Variants in ADAMTSL1 observed in about 807,000 individuals in gnomAD.
The protein encoded by ADAMTSL1 is ADAMTS-like protein 1.
A neutral mutation model predicts 201.8 loss-of-function variants in ADAMTSL1; 126 were observed. The observed-to-expected ratio is 0.62, with a 90% confidence interval of 0.54 to 0.72. ADAMTSL1 has a LOEUF of 0.72. Ranked by LOEUF, ADAMTSL1 falls within the 30% of genes least tolerant of loss-of-function variation. ADAMTSL1 has a pLI of 0.00. For missense variants in ADAMTSL1, 2,679 were observed against 2,277.8 expected (o/e 1.18, Z -3.59); for synonymous variants, 1,121 against 903.4 (o/e 1.24, Z -4.32).
At chr9:18,587,806 G>C (rs1578428) in intron 4 of ADAMTSL1, among the ~76,000 whole-genome samples, 45,051 of 152,026 alleles carry the variant, frequency 0.3, 7,433 homozygotes, top group East Asian at 0.53. Context: ...CAAATGACAG[G>C]ATTTCATTTT....
intron 2 of ADAMTSL1, among the ~76,000 whole-genome samples, chr9:18,417,922 A>G (rs182901453): frequency 1.3e-5 from 2 of 152,220 alleles, no homozygotes; most frequent in Non-Finnish European, 2.9e-5. Flanking sequence ...ATAATAAAAA[A>G]TAACACTATA....
At chr9:18,764,580 C>G (rs939502712) in intron 16 of ADAMTSL1, among the ~76,000 whole-genome samples, 4 of 152,170 alleles carry the variant, frequency 2.6e-5, no homozygotes, top group South Asian at 2.1e-4. Context: ...GAACAAAGAG[C>G]TGGCAGGCAT....
rs148321159 is a variant in ADAMTSL1 at position 18,188,687 on chromosome 9, T to C, written c.207+24706T>C. Reference sequence around the variant, plus strand: ...GGCAGCAGCAAACTGCCGGGGATATTAGAAAGGGAAGATTCATGGGTCAAC... The same window carrying C: ...GGCAGCAGCAAACTGCCGGGGATATCAGAAAGGGAAGATTCATGGGTCAAC... On this transcript the variant is annotated intron_variant, in intron 2 of 29. Coordinates refer to the ADAMTSL1 transcript ENST00000680146. Among the ~76,000 whole-genome samples, 825 of 152,300 alleles carry C rather than the reference T, an allele frequency of 5.4e-3. 13 individuals are homozygous for C. Among genetic ancestry groups the C allele is most frequent in the African/African-American group, 0.018 (769 of 41,574 alleles).
intron 2 of ADAMTSL1, among the ~76,000 whole-genome samples, chr9:18,272,248 C>G (rs1406777963): frequency 6.6e-6 from 1 of 152,010 alleles, no homozygotes; most frequent in Non-Finnish European, 1.5e-5. Context: ...GGTACTGGTA[C>G]CAAAACAGAG....
chr9:17,926,839 A>G (rs2131307277), intron 1 of ADAMTSL1, among the ~76,000 whole-genome samples: 1 of 152,340 alleles, frequency 6.6e-6, no homozygotes, highest in Admixed American at 6.5e-5. Context: ...CCGACATTAC[A>G]GTGAAACCAC....
intron 23 of ADAMTSL1, among the ~76,000 whole-genome samples, chr9:18,875,115 C>T (rs565713414): frequency 6.6e-6 from 1 of 152,194 alleles, no homozygotes; most frequent in East Asian, 1.9e-4. Context: ...TGAAACATCT[C>T]CCATTTTGTT....
intron 2 of ADAMTSL1, among the ~76,000 whole-genome samples, chr9:18,290,781 G>GTTT (rs71492936): frequency 7.4e-6 from 1 of 135,068 alleles, no homozygotes; most frequent in African/African-American, 3.1e-5. Context: ...TTTTTTGTGT[G>GTTT]TTTTTTTTTT....
chr9:18,695,104 G>A (rs548315), intron 13 of ADAMTSL1, among the ~76,000 whole-genome samples: 66,971 of 152,108 alleles, frequency 0.44, 15,003 homozygotes, highest in Admixed American at 0.55. Flanking sequence ...ATTGTCCCAA[G>A]GTTGTGCAGG....
intron 3 of ADAMTSL1, among the ~76,000 whole-genome samples, chr9:18,570,726 G>C (rs1430656995): frequency 2.0e-5 from 3 of 152,172 alleles, no homozygotes; most frequent in African/African-American, 4.8e-5. Flanking sequence ...TTCAAGTTCA[G>C]TTTCCAACTC....
At chr9:18,257,097 G>T (rs1339872866) in intron 2 of ADAMTSL1, among the ~76,000 whole-genome samples, 1 of 152,140 alleles carries the variant, frequency 6.6e-6, no homozygotes, top group Non-Finnish European at 1.5e-5. Flanking sequence ...ATGTTGGATA[G>T]ATGATAGGTA....
chr9:18,435,633 A>G, intron 2 of ADAMTSL1, among the ~76,000 whole-genome samples: 1 of 152,206 alleles, frequency 6.6e-6, no homozygotes, highest in East Asian at 1.9e-4. Context: ...GAGATCTGTG[A>G]GGCCAGGACA....
At chr9:18,556,502 T>G (rs1250496093) in intron 3 of ADAMTSL1, among the ~76,000 whole-genome samples, 1 of 151,980 alleles carries the variant, frequency 6.6e-6, no homozygotes, top group Non-Finnish European at 1.5e-5. Context: ...GTAATTTTCA[T>G]AGGAAGAAGA....
At chr9:18,258,015 T>C (rs758794050) in intron 2 of ADAMTSL1, among the ~76,000 whole-genome samples, 2 of 152,166 alleles carry the variant, frequency 1.3e-5, no homozygotes, top group Non-Finnish European at 2.9e-5. Flanking sequence ...TTTGGGATGA[T>C]GAAAAAGTTT....
intron 17 of ADAMTSL1, among the ~76,000 whole-genome samples, chr9:18,774,122 C>T (rs1186296785): frequency 6.6e-6 from 1 of 152,146 alleles, no homozygotes; most frequent in East Asian, 1.9e-4. Flanking sequence ...TCCCACAGCC[C>T]TCATTCAGGC....
chr9:18,025,557 G>T (rs1795391924), intron 1 of ADAMTSL1, among the ~76,000 whole-genome samples: 1 of 151,994 alleles, frequency 6.6e-6, no homozygotes, highest in South Asian at 2.1e-4. Context: ...AGATCAGATG[G>T]TTGCAGGTGT....
chr9:18,352,854 A>C (rs897974595), intron 2 of ADAMTSL1, among the ~76,000 whole-genome samples: 2 of 152,200 alleles, frequency 1.3e-5, no homozygotes, highest in African/African-American at 2.4e-5. Flanking sequence ...AGTCTGTTAG[A>C]TATCTTGTTT....
intron 23 of ADAMTSL1, among the ~76,000 whole-genome samples, chr9:18,838,119 A>T (rs1340367064): frequency 2.0e-5 from 3 of 152,054 alleles, no homozygotes; most frequent in Admixed American, 6.6e-5. Flanking sequence ...GGCAGAAGGC[A>T]AGGAGAAGCA....
intron 14 of ADAMTSL1, among the ~76,000 whole-genome samples, chr9:18,719,613 C>G (rs1396031535): frequency 6.6e-6 from 1 of 152,198 alleles, no homozygotes; most frequent in Admixed American, 6.5e-5. Context: ...ATCCGTCCAC[C>G]CTGGCCTCCC....
At chr9:18,014,835 A>G (rs1476827279) in intron 1 of ADAMTSL1, among the ~76,000 whole-genome samples, 4 of 151,974 alleles carry the variant, frequency 2.6e-5, no homozygotes, top group Non-Finnish European at 5.9e-5. Flanking sequence ...TTTCAGAGTC[A>G]TTACCAGGAG....
Sources: gnomAD v4.1 joint callset for allele counts (sites outside exome capture counted in the v4.1 genomes callset) on GRCh38, gnomAD v4.1.1 for gene constraint, MANE v1.5 for transcripts, NCBI Gene and HGNC (gene_info 2026-07-23, HGNC 2026-07-21) for gene names.